Variants in ZRSR2 observed in about 807,000 individuals in gnomAD.
ZRSR2 encodes the protein U2 small nuclear ribonucleoprotein auxiliary factor 35 kDa subunit-related protein 2.
A neutral mutation model predicts 39.4 loss-of-function variants in ZRSR2; 3 were observed. The observed-to-expected ratio is 0.08, with a 90% CI of 0.03 to 0.20. The LOEUF (loss-of-function observed/expected upper bound fraction) is 0.20. Among genes scored for constraint, ZRSR2 ranks in the 10% least tolerant of loss-of-function variants. The probability of loss-of-function intolerance (pLI) is 1.00; values close to 1 mark genes in which losing one functional copy is unlikely to be tolerated. For synonymous variants in ZRSR2, 137 were observed against 136.0 expected, an observed-to-expected ratio of 1.01 and a Z score of -0.05; for missense variants, 256 against 391.5, an observed-to-expected ratio of 0.65 and a Z score of 2.92.
intron 2 of ZRSR2, among the ~76,000 whole-genome samples, chrX:15,793,692 T>G (rs1272367108): frequency 8.9e-6 from 1 of 112,030 alleles, no homozygotes; most frequent in African/African-American, 3.2e-5. Context: ...GTACCCACTA[T>G]CATGCCCGGC....
chrX:15,812,436 C>G (rs1309201114), intron 7 of ZRSR2, among the ~76,000 whole-genome samples: 1 of 111,867 alleles, frequency 8.9e-6, no homozygotes, highest in Admixed American at 9.5e-5. Flanking sequence ...GTGACTTGCT[C>G]CAGATCGTAC....
intron 2 of ZRSR2, among the ~76,000 whole-genome samples, chrX:15,792,371 G>C (rs769189168): frequency 1.8e-5 from 2 of 112,240 alleles, no homozygotes; most frequent in African/African-American, 3.2e-5. Context: ...GCAGTGAGCC[G>C]AGATCCTGCC....
chrX:15,795,246 G>A (rs1033253679), intron 2 of ZRSR2, among the ~76,000 whole-genome samples: 7 of 110,562 alleles, frequency 6.3e-5, no homozygotes, highest in Non-Finnish European at 9.4e-5. Flanking sequence ...AACAACAATA[G>A]CATCTTCAAT....
In ZRSR2 at chrX:15,822,907, G is replaced by C; in HGVS notation, c.1114G>C (p.Asp372His). The change falls in exon 11 of 11, where the codon GAC (aspartate) becomes CAC (histidine). Residue 372 changes from aspartate to histidine, a missense_variant. Coordinates refer to ENST00000307771, the MANE Select transcript of ZRSR2 (RefSeq NM_005089.4). ...GAGGGAGAGGATGGGCCACCACGACGACTACTACAGCAGGCTGCGGGGAAG... is the reference window on the plus strand; with the variant it reads ...GAGGGAGAGGATGGGCCACCACGACCACTACTACAGCAGGCTGCGGGGAAG... ...ERRERMGHHD[D>H]YYSRLRGRRN... The C allele has an allele frequency of 8.2e-7, 1 of 1,212,325 alleles. No homozygotes were observed.
intron 7 of ZRSR2, among the ~76,000 whole-genome samples, chrX:15,813,503 G>T (rs1274762155): frequency 8.9e-6 from 1 of 112,020 alleles, no homozygotes; most frequent in Non-Finnish European, 1.9e-5. Context: ...AAAAGCTATA[G>T]GGCTGGCCTT....
chrX:15,815,827 C>T lies in ZRSR2; in HGVS notation c.708C>T (p.Phe236=), dbSNP rs1489716675. 4.1e-6 allele frequency: 5 copies of T among 1,210,494 alleles called. No individual in the cohort carries two copies. The highest frequency in any genetic ancestry group is 4.5e-6 in the Non-Finnish European group (4 of 895,053). The change falls in exon 8 of 11, where the codon TTC becomes TTT. Residue 236 remains phenylalanine (F), a synonymous_variant. Transcript: ENST00000307771. The part of the protein sequence containing the change: ...EYSEEETYQQ[F]LDFYEDVLPE... ...GCGAGGAAGAAACCTACCAACAGTT[C>T]CTAGACTTCTATGAGGATGTGTTGC...
Position 15,790,511 on chromosome X carries a change from A to C in ZRSR2, c.16A>C (p.Lys6Gln). The change falls in exon 1 of 11, where the codon AAG (lysine) becomes CAG (glutamine). Residue 6 changes from lysine to glutamine, a missense_variant. Physicochemically the swap from Lys to Gln is moderately conservative, Grantham distance 53. Coordinates refer to ENST00000307771, the MANE Select transcript of ZRSR2 (RefSeq NM_005089.4). MAAPEKMTFPEKPSHK... is the reference protein window; with the variant it reads MAAPEQMTFPEKPSHK... ...TGCCGGCAAGATGGCTGCGCCCGAG[A>C]AGATGACGTTTCCCGAGAAACCAAG... The C allele has an allele frequency of 1.7e-6, 2 of 1,159,622 alleles. No homozygotes were observed. Among genetic ancestry groups the C allele is most frequent in the South Asian group, 1.9e-5 (1 of 51,690 alleles).
intron 5 of ZRSR2, among the ~76,000 whole-genome samples, chrX:15,804,875 T>C (rs1027531345): frequency 5.9e-5 from 4 of 68,172 alleles, no homozygotes; most frequent in African/African-American, 2.7e-4. Flanking sequence ...CAGTTGCTTA[T>C]TTAAAAAAAA....
intron 10 of ZRSR2, among the ~76,000 whole-genome samples, chrX:15,822,318 G>T (rs939026590): frequency 9.1e-6 from 1 of 110,088 alleles, no homozygotes; most frequent in Non-Finnish European, 1.9e-5. Context: ...AGTGGTTCTG[G>T]CCTGTTTCCT....
chrX:15,798,587 C>G (rs1003747050), intron 2 of ZRSR2, among the ~76,000 whole-genome samples: 8 of 111,556 alleles, frequency 7.2e-5, no homozygotes, highest in African/African-American at 2.6e-4. Flanking sequence ...TAAGGACATT[C>G]TCCCGCAGAA....
intron 2 of ZRSR2, among the ~76,000 whole-genome samples, chrX:15,797,317 TCTC>T (rs1932510196): frequency 1.9e-5 from 2 of 107,552 alleles, no homozygotes; most frequent in African/African-American, 3.4e-5. Context: ...TTCAAGCAAT[TCTC>T]CTCCCTCAGC....
chrX:15,804,255 G>C, intron 5 of ZRSR2, 58 bp downstream of exon 5: 1 of 1,105,758 alleles, frequency 9.0e-7, no homozygotes, highest in Non-Finnish European at 1.2e-6. Flanking sequence ...CAGTAGGCAT[G>C]TCAGAGTTTG....
chrX:15,813,380 T>A (rs889341400), intron 7 of ZRSR2, among the ~76,000 whole-genome samples: 1 of 112,003 alleles, frequency 8.9e-6, no homozygotes, highest in Admixed American at 9.5e-5. Flanking sequence ...TGGTCTAGGG[T>A]AGGAAGTAAG....
intron 3 of ZRSR2, among the ~76,000 whole-genome samples, chrX:15,803,356 C>G (rs1473290532): frequency 1.8e-5 from 2 of 111,509 alleles, no homozygotes; most frequent in African/African-American, 3.3e-5. Flanking sequence ...AACTTGCTAC[C>G]CATTTTATTG....
intron 7 of ZRSR2, among the ~76,000 whole-genome samples, chrX:15,810,413 A>G (rs2147286003): frequency 8.9e-6 from 1 of 111,951 alleles, no homozygotes; most frequent in East Asian, 2.8e-4. Context: ...AGAAGATCTA[A>G]TCATAACCTT....
intron 2 of ZRSR2, among the ~76,000 whole-genome samples, chrX:15,797,208 CT>C (rs150083525): frequency 1.1e-3 from 109 of 95,687 alleles, no homozygotes; most frequent in East Asian, 2.3e-3. Context: ...TCTGCATTAA[CT>C]TTTTTTTTTT....
intron 5 of ZRSR2, among the ~76,000 whole-genome samples, chrX:15,806,488 G>A (rs138630239): frequency 0.019 from 2,110 of 111,073 alleles, 53 homozygotes; most frequent in African/African-American, 0.066. Flanking sequence ...GTGCAGTGGC[G>A]TGATCTCTGC....
chrX:15,810,990 C>T, intron 7 of ZRSR2, among the ~76,000 whole-genome samples: 1 of 109,059 alleles, frequency 9.2e-6, no homozygotes, highest in Middle Eastern at 4.7e-3. Context: ...CTAGTGTGCC[C>T]TAGGATTGAG....
chrX:15,811,968 C>T (rs760468647), intron 7 of ZRSR2, among the ~76,000 whole-genome samples: 8 of 110,676 alleles, frequency 7.2e-5, no homozygotes, highest in East Asian at 5.8e-4. Context: ...CTCGCTCTGT[C>T]GCCCAGGCTG....
Sources: gnomAD v4.1 joint callset for allele counts (sites outside exome capture counted in the v4.1 genomes callset) on GRCh38, gnomAD v4.1.1 for gene constraint, MANE v1.5 for transcripts, NCBI Gene and HGNC (gene_info 2026-07-23, HGNC 2026-07-21) for gene names.